The following MAOB variants were observed in gnomAD, a reference collection of about 807,000 sequenced individuals.
MAOB encodes the protein amine oxidase [flavin-containing] B.
A neutral mutation model predicts 41.9 loss-of-function variants in MAOB; 15 were observed. The observed-to-expected ratio is 0.36, with a 90% CI of 0.24 to 0.55. The LOEUF (loss-of-function observed/expected upper bound fraction) is 0.55. Ranked by LOEUF, MAOB falls within the 20% of genes least tolerant of loss-of-function variation. MAOB has a pLI of 0.86. For synonymous variants in MAOB, 167 were observed against 144.2 expected, an observed-to-expected ratio of 1.16 and a Z score of -1.13; for missense variants, 345 against 398.7, an observed-to-expected ratio of 0.87 and a Z score of 1.15.
intron 11 of MAOB, among the ~76,000 whole-genome samples, chrX:43,775,809 G>C (rs1325176884): frequency 2.7e-5 from 3 of 111,873 alleles, no homozygotes; most frequent in Non-Finnish European, 3.8e-5. Flanking sequence ...ATATGTTTTT[G>C]ACACGAACAG....
intron 1 of MAOB, among the ~76,000 whole-genome samples, chrX:43,880,889 G>A (rs1313622732): frequency 2.7e-5 from 3 of 112,711 alleles, no homozygotes; most frequent in South Asian, 7.3e-4. Context: ...GCTATGCAAG[G>A]CAGCATCAAG....
At chrX:43,822,638 C>G (rs961644545) in intron 3 of MAOB, among the ~76,000 whole-genome samples, 1 of 111,979 alleles carries the variant, frequency 8.9e-6, no homozygotes, top group Non-Finnish European at 1.9e-5. Context: ...AAAAGAATAT[C>G]AAAGAGGCAT....
At chrX:43,821,974 T>C (rs2034887480) in intron 3 of MAOB, among the ~76,000 whole-genome samples, 1 of 112,307 alleles carries the variant, frequency 8.9e-6, no homozygotes, top group Non-Finnish European at 1.9e-5. Flanking sequence ...GGTAAAGTTA[T>C]TGAAGCCCCA....
At chrX:43,838,801 C>T (rs1401937595) in intron 3 of MAOB, 67 bp downstream of exon 3, 6 of 1,009,497 alleles carry the variant, frequency 5.9e-6, no homozygotes, top group Non-Finnish European at 6.6e-6. Flanking sequence ...AGAGAATGAT[C>T]TGGAATTTGT....
At chrX:43,787,736 T>C (rs6651629) in intron 8 of MAOB, among the ~76,000 whole-genome samples, 1 of 111,992 alleles carries the variant, frequency 8.9e-6, no homozygotes, top group East Asian at 2.8e-4. Flanking sequence ...ACAGAAAGAA[T>C]CAATGTGTAT....
intron 1 of MAOB, among the ~76,000 whole-genome samples, chrX:43,851,191 A>C (rs2035249667): frequency 8.9e-6 from 1 of 112,220 alleles, no homozygotes; most frequent in Non-Finnish European, 1.9e-5. Context: ...TTCATTATAA[A>C]AACTGTTAAA....
At position 43,833,334 on chromosome X, in the gene MAOB, G is replaced by A. The variant is rs1026954187; in HGVS notation, c.279+5534C>T. On this transcript the variant is annotated intron_variant, in intron 3 of 14. Coordinates refer to ENST00000378069, the MANE Select transcript of MAOB (RefSeq NM_000898.5). ...AGGCCAAGAGAAATGCCCAGGACAT[G>A]TGATACGCAGCCTGGGAATCCACGC... Among the ~76,000 whole-genome samples, 12 of 111,241 alleles carry A rather than the reference G, an allele frequency of 1.1e-4. No individual in the cohort carries two copies. In the Admixed American group the frequency reaches 1.1e-3, roughly 11 times the overall value.
At chrX:43,881,830 T>C (rs1392495260) in intron 1 of MAOB, among the ~76,000 whole-genome samples, 1 of 112,309 alleles carries the variant, frequency 8.9e-6, no homozygotes, top group Non-Finnish European at 1.9e-5. Flanking sequence ...TCAAGGTCGT[T>C]TTCCTGACGC....
chrX:43,848,566 T>C (rs892622020), intron 1 of MAOB, among the ~76,000 whole-genome samples: 2 of 111,737 alleles, frequency 1.8e-5, no homozygotes, highest in Admixed American at 1.9e-4. Flanking sequence ...TTGTTTTGTT[T>C]TGTTGAGACG....
intron 9 of MAOB, 56 bp downstream of exon 9, chrX:43,781,392 A>G: frequency 1.4e-6 from 1 of 690,431 alleles, no homozygotes. Flanking sequence ...TGTTAATAGT[A>G]TGTGATTATC....
intron 1 of MAOB, among the ~76,000 whole-genome samples, chrX:43,847,887 C>T (rs1198289283): frequency 8.9e-6 from 1 of 112,102 alleles, no homozygotes; most frequent in Non-Finnish European, 1.9e-5. Context: ...CCATGACAGG[C>T]CCTTGGATGA....
intron 1 of MAOB, among the ~76,000 whole-genome samples, chrX:43,869,749 T>C (rs1438181758): frequency 8.9e-6 from 1 of 112,254 alleles, no homozygotes; most frequent in Non-Finnish European, 1.9e-5. Context: ...ATTCAAAATG[T>C]TGCAACTCAT....
rs778570953 is a variant in MAOB, at chrX:43,843,705, G to T, written c.106C>A (p.Arg36=). The T allele has an allele frequency of 6.8e-5, 82 of 1,208,567 alleles. No individual in the cohort carries two copies. The Middle Eastern group carries it at 9.1e-4, about 13-fold the overall frequency. Reference sequence around the variant, plus strand: ...TAAGTCCTGCCTCCCACACGGTCCCGGGCTTCCAGAACAACCACATTCAGT... The same window carrying T: ...TAAGTCCTGCCTCCCACACGGTCCCTGGCTTCCAGAACAACCACATTCAGT... ...SGLNVVVLEA[R]DRVGGRTYTL... The change falls in exon 2 of 15, where the codon CGG becomes AGG. Residue 36 remains arginine (R), a synonymous_variant. Coordinates refer to ENST00000378069, the MANE Select transcript of MAOB (RefSeq NM_000898.5).
chrX:43,844,011 A>G, intron 1 of MAOB: 1 of 760,548 alleles, frequency 1.3e-6, no homozygotes, highest in South Asian at 5.7e-5. Context: ...CTATATCAAA[A>G]TGTCTATTTT....
intron 1 of MAOB, among the ~76,000 whole-genome samples, chrX:43,860,676 A>G (rs923260157): frequency 1.8e-5 from 2 of 111,595 alleles, no homozygotes; most frequent in Non-Finnish European, 3.8e-5. Flanking sequence ...CCAACTCATT[A>G]CACTTCTGTA....
chrX:43,791,627 C>T (rs748362088), intron 8 of MAOB, among the ~76,000 whole-genome samples: 10 of 110,809 alleles, frequency 9.0e-5, no homozygotes, highest in Admixed American at 1.9e-4. Context: ...CAAGGTGGCA[C>T]GCACCTGTAA....
At chrX:43,862,871 A>G (rs184937705) in intron 1 of MAOB, among the ~76,000 whole-genome samples, 199 of 112,323 alleles carry the variant, frequency 1.8e-3, no homozygotes, top group African/African-American at 5.7e-3. Flanking sequence ...AATGAAATAA[A>G]AATAACCTCC....
chrX:43,826,257 C>A (rs1417687395), intron 3 of MAOB, among the ~76,000 whole-genome samples: 1 of 111,686 alleles, frequency 9.0e-6, no homozygotes, highest in Non-Finnish European at 1.9e-5. Flanking sequence ...TTCCTGACAC[C>A]ATACTAGGTG....
chrX:43,792,874 C>G (rs1012768768), intron 8 of MAOB, among the ~76,000 whole-genome samples: 37 of 111,828 alleles, frequency 3.3e-4, no homozygotes, highest in African/African-American at 1.2e-3. Context: ...AAGGCACATG[C>G]ACTCACATGT....
Sources: gnomAD v4.1 joint callset for allele counts (sites outside exome capture counted in the v4.1 genomes callset) on GRCh38, gnomAD v4.1.1 for gene constraint, MANE v1.5 for transcripts, NCBI Gene and HGNC (gene_info 2026-07-23, HGNC 2026-07-21) for gene names.